SGIP1: variants seen among roughly 807,000 people sequenced by gnomAD.
The protein encoded by SGIP1 is SH3GL interacting endocytic adaptor 1.
A neutral mutation model predicts 107.5 loss-of-function variants in SGIP1; 38 were observed. That is an observed-to-expected ratio of 0.35 (90% CI 0.27 to 0.46). SGIP1 has a LOEUF of 0.46. Among genes scored for constraint, SGIP1 ranks in the 20% least tolerant of loss-of-function variants. SGIP1 has a pLI of 1.00. For missense variants in SGIP1, 929 were observed against 1,019.5 expected, an observed-to-expected ratio of 0.91 and a Z score of 1.21; for synonymous variants, 365 against 366.1, an observed-to-expected ratio of 1.00 and a Z score of 0.03.
At chr1:66,557,244 G>C (rs1282762791) in intron 1 of SGIP1, among the ~76,000 whole-genome samples, 2 of 152,100 alleles carry the variant, frequency 1.3e-5, no homozygotes, top group Non-Finnish European at 2.9e-5. Context: ...CAGTGAAATA[G>C]CTTTAGATTT....
intron 7 of SGIP1, among the ~76,000 whole-genome samples, chr1:66,646,139 C>T (rs2077619004): frequency 6.6e-6 from 1 of 152,130 alleles, no homozygotes; most frequent in African/African-American, 2.4e-5. Flanking sequence ...CCGCACCCAG[C>T]CATGTACATA....
rs755868607 is a variant in SGIP1 at position 66,719,343 on chromosome 1, C to T, written c.1680C>T (p.Leu560=). 7 of 1,613,614 alleles carry T rather than the reference C, an allele frequency of 4.3e-6. No individual in the cohort carries two copies. The South Asian group carries it at 5.5e-5, about 13-fold the overall frequency. ...TAACCATGGGAGCTCAGGACACTCT[C>T]CCTGTTGCAGCAGCATTTACAGAAA... ...SPLTMGAQDT[L]PVAAAFTETV... is the part of the protein sequence containing the mutation. The change falls in exon 19 of 25, where the codon CTC becomes CTT. Residue 560 remains leucine, a synonymous_variant. Transcript: ENST00000371037.
chr1:66,560,802 G>A (rs929528339), intron 1 of SGIP1, among the ~76,000 whole-genome samples: 1 of 152,034 alleles, frequency 6.6e-6, no homozygotes, highest in Non-Finnish European at 1.5e-5. Flanking sequence ...GCCACTAACT[G>A]TGTGACCTTA....
At chr1:66,565,752 C>A (rs2059553647) in intron 1 of SGIP1, among the ~76,000 whole-genome samples, 1 of 152,004 alleles carries the variant, frequency 6.6e-6, no homozygotes, top group Admixed American at 6.6e-5. Flanking sequence ...CACATTTATT[C>A]AACACACTTT....
chr1:66,643,695 C>G lies in SGIP1; in HGVS notation c.435C>G (p.Asn145Lys). 6.2e-7 allele frequency: 1 copy of G among 1,610,026 alleles called. No individual in the cohort carries two copies. Among genetic ancestry groups the G allele is most frequent in the Non-Finnish European group, 8.5e-7 (1 of 1,178,724 alleles). ...TVDELKASIG[N>K]IALSPSPVRK... Reference sequence around the variant, plus strand: ...ATGAATTGAAGGCATCAATAGGCAACATCGCACTTTCCCCATCACCAGTGG... The same window carrying G: ...ATGAATTGAAGGCATCAATAGGCAAGATCGCACTTTCCCCATCACCAGTGG... The change falls in exon 7 of 25, where the codon AAC becomes AAG. Residue 145 changes from asparagine to lysine, a missense_variant. Physicochemically the swap from Asn to Lys is moderately conservative, Grantham distance 94. This residue lies in a region of SGIP1 where 588 missense variants were observed against 588.6 expected (regional missense o/e 1.00). Coordinates refer to ENST00000371037, the MANE Select transcript of SGIP1 (RefSeq NM_032291.4).
rs2091304738 is a variant in SGIP1, at chr1:66,698,309, T to C, written c.1630+2816T>C. Among the ~76,000 whole-genome samples, 3 of 152,200 alleles carry C rather than the reference T, an allele frequency of 2.0e-5. No homozygotes were observed. In the South Asian group the frequency reaches 6.2e-4, roughly 32 times the overall value. The stretch of plus-strand genomic sequence containing the variant: ...TTTTAGAAACAGCTTCACTGAAATA[T>C]TAATTTATGATAAAAATTCTATTTA... On this transcript the variant is annotated intron_variant, in intron 18 of 24. Transcript: ENST00000371037.
intron 18 of SGIP1, among the ~76,000 whole-genome samples, chr1:66,705,258 G>C (rs1007841751): frequency 1.3e-5 from 2 of 152,166 alleles, no homozygotes; most frequent in Admixed American, 6.5e-5. Flanking sequence ...TTTTCTTGCT[G>C]ACGCATATTC....
At chr1:66,630,570 G>A (rs996007742) in intron 2 of SGIP1, among the ~76,000 whole-genome samples, 1 of 151,814 alleles carries the variant, frequency 6.6e-6, no homozygotes, top group African/African-American at 2.4e-5. Context: ...ACTTTGGGAA[G>A]CTGAGGTAGG....
At chr1:66,547,344 T>G (rs1310111682) in intron 1 of SGIP1, among the ~76,000 whole-genome samples, 2 of 152,174 alleles carry the variant, frequency 1.3e-5, no homozygotes, top group Non-Finnish European at 2.9e-5. Context: ...AATGGATACA[T>G]AGTGGGACAA....
At chr1:66,673,134 T>C in intron 11 of SGIP1, 147 bp from the exon 12 acceptor site, 1 of 735,484 alleles carries the variant, frequency 1.4e-6, no homozygotes, top group South Asian at 1.7e-5. Flanking sequence ...TTTCTAGCCC[T>C]AACGGGGCTT....
At chr1:66,737,928 C>A (rs928228250) in intron 21 of SGIP1, among the ~76,000 whole-genome samples, 1 of 151,894 alleles carries the variant, frequency 6.6e-6, no homozygotes, top group Non-Finnish European at 1.5e-5. Context: ...AGCATCCCCC[C>A]AGAAATTGGG....
At chr1:66,683,962 C>T in intron 15 of SGIP1, 1 of 1,242,366 alleles carries the variant, frequency 8.0e-7, no homozygotes, top group Non-Finnish European at 1.1e-6. Flanking sequence ...AGTGACCCAC[C>T]TGCCTCAGCC....
At chr1:66,666,763 GCTCT>G (rs1237329642) in intron 8 of SGIP1, 1 of 152,102 alleles carries the variant, frequency 6.6e-6, no homozygotes, top group Non-Finnish European at 1.5e-5. Context: ...TCATGATTTG[GCTCT>G]CTGTTTGTCT....
chr1:66,626,588 C>A (rs2072853563), intron 2 of SGIP1, among the ~76,000 whole-genome samples: 1 of 152,146 alleles, frequency 6.6e-6, no homozygotes, highest in Admixed American at 6.6e-5. Context: ...CTTATTTGAC[C>A]ATCTTGAATT....
chr1:66,566,017 C>G (rs942768486), intron 1 of SGIP1, among the ~76,000 whole-genome samples: 1 of 151,912 alleles, frequency 6.6e-6, no homozygotes, highest in African/African-American at 2.4e-5. Context: ...TATTTTAGGT[C>G]CTTACGGCTT....
chr1:66,739,701 A>T (rs370818696), intron 22 of SGIP1, among the ~76,000 whole-genome samples, 164 bp downstream of exon 22: 1 of 152,224 alleles, frequency 6.6e-6, no homozygotes, highest in East Asian at 1.9e-4. Flanking sequence ...GCAAAAACTA[A>T]TTCAACAGGG....
At chr1:66,536,392 A>G (rs990993035) in intron 1 of SGIP1, among the ~76,000 whole-genome samples, 5 of 152,220 alleles carry the variant, frequency 3.3e-5, no homozygotes, top group Non-Finnish European at 2.9e-5. Flanking sequence ...TTTAAGCCTT[A>G]TTATCTTAAT....
chr1:66,589,469 A>C (rs1281529850), intron 1 of SGIP1, among the ~76,000 whole-genome samples: 1 of 152,022 alleles, frequency 6.6e-6, no homozygotes, highest in Non-Finnish European at 1.5e-5. Context: ...TCCCTGAAGC[A>C]AATTCAAACT....
intron 18 of SGIP1, among the ~76,000 whole-genome samples, chr1:66,714,925 T>G (rs1256413760): frequency 2.0e-5 from 3 of 152,154 alleles, no homozygotes; most frequent in Admixed American, 2.0e-4. Context: ...AGCCCTGTTT[T>G]CCAATAATGC....
Sources: allele counts gnomAD v4.1 joint callset (sites outside exome capture counted in the v4.1 genomes callset), GRCh38; gene constraint gnomAD v4.1.1; regional missense constraint gnomAD v4.1.1; transcripts MANE v1.5; gene names NCBI Gene and HGNC (gene_info 2026-07-23, HGNC 2026-07-21).